TANC1: variants seen among roughly 807,000 people sequenced by gnomAD.
The protein encoded by TANC1 is tetratricopeptide repeat, ankyrin repeat and coiled-coil containing 1, also known as protein TANC1.
Under a neutral mutation model 149.7 loss-of-function variants are expected in TANC1, and 77 were observed. The observed-to-expected ratio is 0.51, with a 90% CI of 0.43 to 0.62. The LOEUF is 0.62. TANC1 is among the 20% of genes least tolerant of loss of function. The probability of loss-of-function intolerance (pLI) is 0.00; values close to 1 mark genes in which losing one functional copy is unlikely to be tolerated. For missense variants in TANC1, 1,985 were observed against 2,321.8 expected, an observed-to-expected ratio of 0.85 and a Z score of 2.98; for synonymous variants, 854 against 925.0, an observed-to-expected ratio of 0.92 and a Z score of 1.39.
intron 9 of TANC1, among the ~76,000 whole-genome samples, chr2:159,170,152 A>G (rs113673691): frequency 1.3e-5 from 2 of 152,216 alleles, no homozygotes; most frequent in Non-Finnish European, 2.9e-5. Flanking sequence ...TGTTTTATTC[A>G]TACAGCAGGG....
intron 4 of TANC1, among the ~76,000 whole-genome samples, chr2:159,118,135 T>C (rs982557389): frequency 6.6e-6 from 1 of 152,190 alleles, no homozygotes; most frequent in African/African-American, 2.4e-5. Context: ...GGCTTATCAC[T>C]GTCTTGACTT....
At chr2:159,082,556 T>G (rs555964414) in intron 3 of TANC1, among the ~76,000 whole-genome samples, 56 of 152,312 alleles carry the variant, frequency 3.7e-4, no homozygotes, top group African/African-American at 1.3e-3. Flanking sequence ...CCTAGCTCAC[T>G]TGTCTGTGTG....
chr2:159,194,295 C>T lies in TANC1; in HGVS notation c.2781C>T (p.Asn927=). 1.2e-6 allele frequency: 2 copies of T among 1,614,268 alleles called. No homozygotes were observed. Among genetic ancestry groups the T allele is most frequent in the Non-Finnish European group, 1.7e-6 (2 of 1,180,040 alleles). ...RLLILGGANV[N]YRTEVLNNAP... ...TGATTTTGGGAGGGGCCAACGTGAA[C>T]TACAGGACAGAAGTGTTAAATAATG... The change falls in exon 17 of 27, where the codon AAC becomes AAT. Residue 927 remains asparagine (N), a synonymous_variant. Coordinates refer to ENST00000263635, the MANE Select transcript of TANC1 (RefSeq NM_033394.3).
At chr2:158,996,806 C>G (rs770177256) in intron 1 of TANC1, among the ~76,000 whole-genome samples, 15 of 152,000 alleles carry the variant, frequency 9.9e-5, no homozygotes, top group Non-Finnish European at 1.5e-4. Context: ...TAAAACAATG[C>G]GTATACCAAT....
intron 7 of TANC1, among the ~76,000 whole-genome samples, chr2:159,162,026 G>A (rs529563137): frequency 3.7e-4 from 56 of 152,342 alleles, no homozygotes; most frequent in African/African-American, 1.3e-3. Flanking sequence ...ACCAGAGAGG[G>A]TGATAAGTCC....
intron 2 of TANC1, among the ~76,000 whole-genome samples, chr2:159,014,453 G>A (rs2038068990): frequency 6.6e-6 from 1 of 152,190 alleles, no homozygotes; most frequent in Non-Finnish European, 1.5e-5. Flanking sequence ...TACAATTCAA[G>A]ATGAGATTTG....
At chr2:158,977,306 A>C (rs1344095885) in intron 1 of TANC1, among the ~76,000 whole-genome samples, 1 of 151,746 alleles carries the variant, frequency 6.6e-6, no homozygotes, top group Non-Finnish European at 1.5e-5. Flanking sequence ...CACCTGGCTT[A>C]ATTAAAAAAA....
chr2:159,175,267 C>T (rs1260503102), intron 12 of TANC1, 83 bp downstream of exon 12: 24 of 1,133,592 alleles, frequency 2.1e-5, no homozygotes, highest in African/African-American at 4.6e-5. Context: ...GGTGGTCAGC[C>T]GGGCTGGGGT....
intron 11 of TANC1, 49 bp downstream of exon 11, chr2:159,172,321 G>A (rs1184386527): frequency 6.3e-7 from 1 of 1,581,218 alleles, no homozygotes; most frequent in Non-Finnish European, 8.6e-7. Flanking sequence ...AGATTTGCTG[G>A]TTTGGTTTCT....
intron 2 of TANC1, among the ~76,000 whole-genome samples, chr2:159,007,138 G>GTTTTTTTTTTTTTTTTTTTTTTTTTATT (rs70994252): frequency 1.4e-5 from 1 of 69,516 alleles, no homozygotes; most frequent in Non-Finnish European, 2.6e-5. Flanking sequence ...CTTTAATACT[G>GTTTTTTTTTTTTTTTTTTTTTTTTTATT]TTTTTTTTTT....
At chr2:158,997,550 A>G (rs187436074) in intron 1 of TANC1, among the ~76,000 whole-genome samples, 2 of 152,300 alleles carry the variant, frequency 1.3e-5, no homozygotes, top group East Asian at 3.9e-4. Context: ...TCCTTGAAGA[A>G]ATGGATAATT....
intron 8 of TANC1, among the ~76,000 whole-genome samples, chr2:159,169,035 A>G (rs948947838): frequency 2.0e-5 from 3 of 152,232 alleles, no homozygotes; most frequent in Non-Finnish European, 4.4e-5. Flanking sequence ...CTCAGTCAAC[A>G]TAACTTTAAG....
chr2:159,213,559 G>T (rs1489088510), intron 19 of TANC1, among the ~76,000 whole-genome samples: 1 of 152,010 alleles, frequency 6.6e-6, no homozygotes, highest in East Asian at 1.9e-4. Flanking sequence ...GGGCCTGTTT[G>T]CATAACACAA....
chr2:159,025,240 TTCTCCTTCCTTCTCCTTC>T (rs2039221248), intron 2 of TANC1, among the ~76,000 whole-genome samples: 1 of 149,986 alleles, frequency 6.7e-6, no homozygotes, highest in African/African-American at 2.5e-5. Context: ...TTTCTTTCTT[TTCTCCTTCCTTCTCCTTC>T]CTTCCTTTTT....
chr2:158,991,325 A>G (rs1178200419), intron 1 of TANC1, among the ~76,000 whole-genome samples: 1 of 152,166 alleles, frequency 6.6e-6, no homozygotes, highest in African/African-American at 2.4e-5. Context: ...CTGATTAAGT[A>G]AATTTTGGTA....
chr2:158,999,103 G>A lies in TANC1; in HGVS notation c.-125-1977G>A, dbSNP rs150939598. ...TCAGGAACCAAAGCCTGAGGCTGGG[G>A]ACAAGCACAAATATCTTGTTGACAG... On this transcript the variant is annotated intron_variant, in intron 1 of 26. Coordinates refer to ENST00000263635, the MANE Select transcript of TANC1 (RefSeq NM_033394.3). Among the ~76,000 whole-genome samples, 120 of 152,264 alleles carry A rather than the reference G, an allele frequency of 7.9e-4. 1 individual carries two copies. Among genetic ancestry groups the A allele is most frequent in the Admixed American group, 2.4e-3 (36 of 15,302 alleles).
intron 8 of TANC1, among the ~76,000 whole-genome samples, chr2:159,163,916 A>T (rs1214469526): frequency 2.0e-5 from 3 of 152,186 alleles, no homozygotes; most frequent in Non-Finnish European, 4.4e-5. Flanking sequence ...TATCAGCTCG[A>T]GGATCTTCTT....
intron 25 of TANC1, chr2:159,228,323 T>C: frequency 3.5e-6 from 1 of 284,760 alleles, no homozygotes; most frequent in South Asian, 5.4e-5. Flanking sequence ...CTGCCTTCTG[T>C]GTTAGGTTTG....
intron 3 of TANC1, among the ~76,000 whole-genome samples, chr2:159,091,448 G>A (rs1263339126): frequency 2.6e-5 from 4 of 152,206 alleles, no homozygotes; most frequent in African/African-American, 4.8e-5. Flanking sequence ...GAGTTTGGGG[G>A]TGGGAGTTTT....
Sources: gnomAD v4.1 joint callset for allele counts (sites outside exome capture counted in the v4.1 genomes callset) on GRCh38, gnomAD v4.1.1 for gene constraint, MANE v1.5 for transcripts, NCBI Gene and HGNC (gene_info 2026-07-23, HGNC 2026-07-21) for gene names.